CNOT6L: variants seen among roughly 807,000 people sequenced by gnomAD.
CNOT6L encodes the protein CCR4-NOT transcription complex subunit 6-like.
In CNOT6L, 7 loss-of-function variants were observed where a neutral mutation model predicts 64.0. That is an observed-to-expected ratio of 0.11 (90% CI 0.06 to 0.21). The LOEUF (loss-of-function observed/expected upper bound fraction) is 0.21. CNOT6L is among the 10% of genes least tolerant of loss of function. CNOT6L has a pLI of 1.00. For missense variants in CNOT6L, 245 were observed against 669.0 expected (o/e 0.37, Z 6.99); for synonymous variants, 193 against 243.4 (o/e 0.79, Z 1.93).
rs1721141233 is a variant in CNOT6L, at chr4:77,720,260, G to T, written c.*171C>A. 4.6e-6 allele frequency: 3 copies of T among 649,190 alleles called. No individual in the cohort carries two copies. Among genetic ancestry groups the T allele is most frequent in the Non-Finnish European group, 7.8e-6 (3 of 384,908 alleles). 40.2% of individuals were successfully genotyped at this position (649,190 alleles called of 1,614,324 possible). The stretch of plus-strand genomic sequence containing the variant: ...GTAATACTTTGGTTCCAGCCCTACT[G>T]CCAAATGATACCAATATGCACAAAA... On this transcript the variant is annotated 3_prime_UTR_variant, in exon 12 of 12. Coordinates refer to ENST00000504123, the MANE Select transcript of CNOT6L (RefSeq NM_144571.3).
At chr4:77,773,578 G>A (rs1388735945) in intron 3 of CNOT6L, among the ~76,000 whole-genome samples, 1 of 151,902 alleles carries the variant, frequency 6.6e-6, no homozygotes, top group Non-Finnish European at 1.5e-5. Flanking sequence ...CAAACTTCAG[G>A]AATAAACTGT....
At chr4:77,739,937 GTAA>G (rs1373736151) in intron 8 of CNOT6L, among the ~76,000 whole-genome samples, 1 of 152,064 alleles carries the variant, frequency 6.6e-6, no homozygotes, top group Non-Finnish European at 1.5e-5. Context: ...AACTGTGAGA[GTAA>G]TAATAAAAAT....
intron 8 of CNOT6L, among the ~76,000 whole-genome samples, chr4:77,740,840 G>A (rs747171083): frequency 2.0e-5 from 3 of 152,122 alleles, no homozygotes; most frequent in East Asian, 1.9e-4. Flanking sequence ...CCTTTTTTAC[G>A]TCTAGATATG....
chr4:77,820,101 T>G (rs1216205828), upstream of CNOT6L, among the ~76,000 whole-genome samples: 1 of 151,748 alleles, frequency 6.6e-6, no homozygotes, highest in Non-Finnish European at 1.5e-5. Flanking sequence ...GGGGCCGAGG[T>G]TGAACAGAGA....
intron 1 of CNOT6L, among the ~76,000 whole-genome samples, chr4:77,780,363 T>G (rs929412529): frequency 6.6e-6 from 1 of 152,198 alleles, no homozygotes; most frequent in African/African-American, 2.4e-5. Context: ...TACAACAACT[T>G]ACATAGATTC....
chr4:77,772,586 T>C (rs1366678393), intron 4 of CNOT6L, among the ~76,000 whole-genome samples: 4 of 152,128 alleles, frequency 2.6e-5, no homozygotes, highest in African/African-American at 9.7e-5. Context: ...GTTAATATGA[T>C]GGCACATATT....
chr4:77,738,753 C>CAA (rs33932934), intron 8 of CNOT6L, among the ~76,000 whole-genome samples: 4,823 of 114,148 alleles, frequency 0.042, 460 homozygotes, highest in African/African-American at 0.15. Context: ...AACTCCGTCT[C>CAA]AAAAAAAAAA....
intron 1 of CNOT6L, among the ~76,000 whole-genome samples, chr4:77,791,574 G>T (rs934056174): frequency 6.6e-6 from 1 of 152,032 alleles, no homozygotes; most frequent in Admixed American, 6.6e-5. Flanking sequence ...AACATTTATG[G>T]TTTTTTGTAA....
At chr4:77,818,644 G>A (rs543926539) in intron 1 of CNOT6L, among the ~76,000 whole-genome samples, 26 of 152,236 alleles carry the variant, frequency 1.7e-4, no homozygotes, top group Middle Eastern at 6.8e-3. Context: ...CAGTTGGAAC[G>A]CCAAAATAAG....
intron 1 of CNOT6L, among the ~76,000 whole-genome samples, chr4:77,809,763 T>C (rs1732696638): frequency 6.6e-6 from 1 of 152,152 alleles, no homozygotes; most frequent in Non-Finnish European, 1.5e-5. Flanking sequence ...ATGTTACTCA[T>C]TTAGGAAATC....
chr4:77,814,141 G>A (rs59140464), intron 1 of CNOT6L, among the ~76,000 whole-genome samples: 51 of 152,280 alleles, frequency 3.3e-4, no homozygotes, highest in African/African-American at 1.2e-3. Flanking sequence ...CATATATTAA[G>A]ATTGCATTTG....
chr4:77,798,144 T>C lies in CNOT6L; in HGVS notation c.5+21160A>G, dbSNP rs557601369. Among the ~76,000 whole-genome samples the C allele has an allele frequency of 1.4e-3, 215 of 151,976 alleles. 7 individuals are homozygous for C. In the South Asian group the frequency reaches 0.043, roughly 30 times the overall value. On this transcript the variant is annotated intron_variant, in intron 1 of 11. Coordinates refer to ENST00000504123, the MANE Select transcript of CNOT6L (RefSeq NM_144571.3). ...AGTTCAAGACCAGCCTGGGCAAATA[T>C]AGCAAGACCCCGTCTTTACAAAGTA...
chr4:77,807,233 G>A (rs975422117), intron 1 of CNOT6L, among the ~76,000 whole-genome samples: 2 of 141,378 alleles, frequency 1.4e-5, no homozygotes, highest in African/African-American at 2.7e-5. Flanking sequence ...AGCCGAGATC[G>A]CGCCACTGCA....
chr4:77,770,829 A>G (rs1024505764), intron 4 of CNOT6L, among the ~76,000 whole-genome samples: 2 of 152,354 alleles, frequency 1.3e-5, no homozygotes, highest in South Asian at 4.1e-4. Flanking sequence ...GAAAACTACC[A>G]TTTTAACTAG....
At chr4:77,730,281 G>A (rs762603665) in intron 9 of CNOT6L, among the ~76,000 whole-genome samples, 1 of 152,032 alleles carries the variant, frequency 6.6e-6, no homozygotes, top group Non-Finnish European at 1.5e-5. Context: ...AATGTCTGTA[G>A]CCAAATCTTC....
Position 77,811,445 on chromosome 4 carries a change from G to A in CNOT6L, c.5+7859C>T, listed in dbSNP as rs190836355. On this transcript the variant is annotated intron_variant, in intron 1 of 11. Transcript: ENST00000504123. ...GCCTGTAGTCCCAGCTTCTCAAGAGGCTGAGGCAGGAGAATCACTTGAACC... is the reference window on the plus strand; with the variant it reads ...GCCTGTAGTCCCAGCTTCTCAAGAGACTGAGGCAGGAGAATCACTTGAACC... Among the ~76,000 whole-genome samples, 353 of 152,150 alleles carry A rather than the reference G, an allele frequency of 2.3e-3. 2 individuals carry two copies. Among genetic ancestry groups the A allele is most frequent in the Non-Finnish European group, 4.4e-3 (297 of 68,006 alleles).
chr4:77,752,173 G>T (rs1198402746), intron 5 of CNOT6L, among the ~76,000 whole-genome samples: 1 of 152,078 alleles, frequency 6.6e-6, no homozygotes, highest in Non-Finnish European at 1.5e-5. Flanking sequence ...ACCAAAAAAG[G>T]AAAGAACAAG....
chr4:77,761,331 TA>T (rs1298511004), intron 4 of CNOT6L, among the ~76,000 whole-genome samples: 2 of 152,054 alleles, frequency 1.3e-5, no homozygotes, highest in African/African-American at 4.8e-5. Context: ...GACATGGCTA[TA>T]GGGGAAAAAA....
At position 77,809,848 on chromosome 4, in the gene CNOT6L, G is replaced by T. The variant is rs1392720797; in HGVS notation, c.5+9456C>A. Among the ~76,000 whole-genome samples the T allele has an allele frequency of 2.6e-5, 4 of 152,080 alleles. No homozygotes were observed. In the East Asian group the frequency reaches 7.7e-4, roughly 29 times the overall value. On this transcript the variant is annotated intron_variant, in intron 1 of 11. Transcript: ENST00000504123. ...AGAGAGGGAGGTTCTCTCTGCAAAA[G>T]ATGAATATAAGGAACATAAAGTGTT...
Sources: allele counts gnomAD v4.1 joint callset (sites outside exome capture counted in the v4.1 genomes callset), GRCh38; gene constraint gnomAD v4.1.1; transcripts MANE v1.5; gene names NCBI Gene and HGNC (gene_info 2026-07-23, HGNC 2026-07-21).